RYR3: variants seen among roughly 807,000 people sequenced by gnomAD.
RYR3 encodes the protein brain ryanodine receptor-calcium release channel.
RYR3 carries 207 observed loss-of-function variants against 584.3 expected under a neutral mutation model. The observed-to-expected ratio is 0.35, with a 90% CI of 0.32 to 0.40. The LOEUF is 0.40. RYR3 is among the 10% of genes least tolerant of loss of function. The pLI is 1.00. For missense variants in RYR3, 5,616 were observed against 6,089.2 expected, an observed-to-expected ratio of 0.92 and a Z score of 2.59; for synonymous variants, 2,416 against 2,248.5, an observed-to-expected ratio of 1.07 and a Z score of -2.11.
At chr15:33,825,714 G>C in intron 82 of RYR3, 38 bp downstream of exon 82, 1 of 635,512 alleles carries the variant, frequency 1.6e-6, no homozygotes, top group Non-Finnish European at 2.8e-6. Flanking sequence ...TTCTCTTCCT[G>C]ATTAAAATCT....
At chr15:33,314,863 G>A (rs1229581721) in intron 1 of RYR3, among the ~76,000 whole-genome samples, 1 of 151,958 alleles carries the variant, frequency 6.6e-6, no homozygotes, top group Non-Finnish European at 1.5e-5. Context: ...GCAGTGAGCC[G>A]AGATTGCGCC....
chr15:33,478,321 T>G (rs986899427), intron 2 of RYR3, among the ~76,000 whole-genome samples: 1 of 152,118 alleles, frequency 6.6e-6, no homozygotes, highest in African/African-American at 2.4e-5. Context: ...ACAAAGAGCT[T>G]GAGAGGGTCC....
intron 43 of RYR3, 41 bp downstream of exon 43, chr15:33,707,095 G>C (rs765738006): frequency 6.2e-7 from 1 of 1,607,730 alleles, no homozygotes; most frequent in East Asian, 2.2e-5. Flanking sequence ...ACCCAGAATA[G>C]CATGATCGTG....
At chr15:33,376,592 A>G (rs1468254496) in intron 1 of RYR3, among the ~76,000 whole-genome samples, 1 of 152,224 alleles carries the variant, frequency 6.6e-6, no homozygotes, top group Non-Finnish European at 1.5e-5. Flanking sequence ...AGGGAAATGT[A>G]TGAAGAGACA....
intron 100 of RYR3, 90 bp from the exon 101 acceptor site, chr15:33,860,495 ACTTTTTTTTT>A (rs1326530855): frequency 1.6e-6 from 1 of 642,552 alleles, no homozygotes; most frequent in African/African-American, 1.9e-5. Context: ...TTGATAATTC[ACTTTTTTTTT>A]TTAACAGAAC....
intron 62 of RYR3, among the ~76,000 whole-genome samples, chr15:33,770,908 T>C (rs74005994): frequency 8.3e-4 from 127 of 152,322 alleles, no homozygotes; most frequent in African/African-American, 3.0e-3. Context: ...CTGAATAAGA[T>C]ATAGAAATAC....
intron 76 of RYR3, among the ~76,000 whole-genome samples, chr15:33,819,071 C>T (rs141692258): frequency 7.4e-4 from 113 of 151,816 alleles, no homozygotes; most frequent in African/African-American, 2.4e-3. Context: ...TGCAGTGAGC[C>T]GAGATCACAC....
intron 1 of RYR3, among the ~76,000 whole-genome samples, chr15:33,369,608 A>G (rs1201328401): frequency 5.3e-5 from 8 of 150,024 alleles, no homozygotes; most frequent in African/African-American, 5.1e-5. Flanking sequence ...CTGTCTGTCT[A>G]TCCATCCATC....
chr15:33,629,062 A>G (rs762422197), intron 21 of RYR3, among the ~76,000 whole-genome samples: 1 of 152,050 alleles, frequency 6.6e-6, no homozygotes, highest in Non-Finnish European at 1.5e-5. Flanking sequence ...TATAACGCCA[A>G]CTCTCTCAAA....
intron 19 of RYR3, among the ~76,000 whole-genome samples, chr15:33,621,246 A>G (rs183106319): frequency 6.6e-6 from 1 of 152,316 alleles, no homozygotes; most frequent in East Asian, 1.9e-4. Context: ...TTGTTCTTGG[A>G]GTCCATATGC....
At chr15:33,554,376 A>T (rs948381118) in intron 10 of RYR3, among the ~76,000 whole-genome samples, 9 of 149,738 alleles carry the variant, frequency 6.0e-5, no homozygotes, top group Admixed American at 1.3e-4. Context: ...ACTCACTGCA[A>T]GCTCCGCCTC....
rs2078854335 is a variant in RYR3, at chr15:33,848,331, G to C, written c.13538G>C (p.Arg4513Thr). The C allele has an allele frequency of 6.2e-7, 1 of 1,613,728 alleles. No individual in the cohort carries two copies. Among genetic ancestry groups the C allele is most frequent in the Admixed American group, 1.7e-5 (1 of 59,988 alleles). The change falls in exon 94 of 104, where the codon AGG becomes ACG. Residue 4513 changes from arginine (R) to threonine (T), a missense_variant. By Grantham distance (71) the Arg-to-Thr change is moderately conservative (BLOSUM62 -1). Coordinates refer to ENST00000634891, the MANE Select transcript of RYR3 (RefSeq NM_001036.6). ...VVFKREKEIARKLEFDGLYIT... is the reference protein window; with the variant it reads ...VVFKREKEIATKLEFDGLYIT... Reference sequence around the variant, plus strand: ...TTCAAAAGGGAAAAAGAAATCGCCAGGAAGCTGGAGTTTGATGGCCTATAT... The same window carrying C: ...TTCAAAAGGGAAAAAGAAATCGCCACGAAGCTGGAGTTTGATGGCCTATAT...
At chr15:33,781,941 G>A (rs2074412616) in intron 65 of RYR3, among the ~76,000 whole-genome samples, 1 of 151,804 alleles carries the variant, frequency 6.6e-6, no homozygotes, top group Non-Finnish European at 1.5e-5. Context: ...AGTGGAAGCT[G>A]AGCAGCAGAG....
chr15:33,334,408 C>T (rs1970717022), intron 1 of RYR3, among the ~76,000 whole-genome samples: 1 of 152,092 alleles, frequency 6.6e-6, no homozygotes, highest in Admixed American at 6.5e-5. Context: ...CTTCCACAAA[C>T]CTGACAAAAA....
intron 1 of RYR3, among the ~76,000 whole-genome samples, chr15:33,377,622 C>T (rs2040849435): frequency 6.6e-6 from 1 of 152,200 alleles, no homozygotes; most frequent in Non-Finnish European, 1.5e-5. Context: ...AGCCTGATTT[C>T]TCCAGGTTCA....
chr15:33,621,812 C>T (rs149618175), intron 19 of RYR3, among the ~76,000 whole-genome samples: 115 of 152,246 alleles, frequency 7.6e-4, no homozygotes, highest in African/African-American at 1.1e-3. Context: ...TCCAGTTTCA[C>T]GATTAGGATA....
At chr15:33,572,722 C>G (rs1321612457) in intron 12 of RYR3, among the ~76,000 whole-genome samples, 1 of 151,092 alleles carries the variant, frequency 6.6e-6, no homozygotes, top group Non-Finnish European at 1.5e-5. Context: ...CGCCTGTAAT[C>G]CCAGCACTTT....
chr15:33,410,266 A>G (rs2043310298), intron 1 of RYR3, among the ~76,000 whole-genome samples: 1 of 152,138 alleles, frequency 6.6e-6, no homozygotes, highest in Non-Finnish European at 1.5e-5. Context: ...CTCCTCATGT[A>G]TTTTTAAATA....
chr15:33,373,589 T>C (rs888087383), intron 1 of RYR3, among the ~76,000 whole-genome samples: 1 of 152,242 alleles, frequency 6.6e-6, no homozygotes, highest in African/African-American at 2.4e-5. Flanking sequence ...ATTGATACAA[T>C]AGCTATTTCA....
Sources: allele counts gnomAD v4.1 joint callset (sites outside exome capture counted in the v4.1 genomes callset), GRCh38; gene constraint gnomAD v4.1.1; transcripts MANE v1.5; gene names NCBI Gene and HGNC (gene_info 2026-07-23, HGNC 2026-07-21).